The following CYTH1 variants were observed in gnomAD, a reference collection of about 807,000 sequenced individuals.
CYTH1 encodes the protein cytohesin 1.
In CYTH1, 18 loss-of-function variants were observed where a neutral mutation model predicts 61.8. The ratio of observed to expected loss-of-function variants is 0.29; its 90% CI spans 0.20 to 0.43. The LOEUF (loss-of-function observed/expected upper bound fraction) is 0.43. CYTH1 is among the 20% of genes least tolerant of loss of function. The pLI is 1.00. For synonymous variants in CYTH1, 174 were observed against 184.3 expected (o/e 0.94, Z 0.45); for missense variants, 336 against 510.5 (o/e 0.66, Z 3.29).
intron 1 of CYTH1, among the ~76,000 whole-genome samples, chr17:78,741,648 A>T (rs2093342402): frequency 6.6e-6 from 1 of 152,200 alleles, no homozygotes. Context: ...CGAGGGCATC[A>T]TACTGCTGCT....
intron 1 of CYTH1, among the ~76,000 whole-genome samples, chr17:78,734,164 C>T (rs908442134): frequency 2.0e-5 from 3 of 151,576 alleles, no homozygotes; most frequent in African/African-American, 4.9e-5. Context: ...GCAGGAGAAT[C>T]GCTTGAACCC....
intron 6 of CYTH1, among the ~76,000 whole-genome samples, chr17:78,701,030 C>T (rs34507935): frequency 0.045 from 6,886 of 152,196 alleles, 279 homozygotes; most frequent in South Asian, 0.15. Context: ...GAATAATATA[C>T]AAGACTGAAA....
Position 78,675,579 on chromosome 17 carries a change from C to A in CYTH1, c.*512G>T, listed in dbSNP as rs2143925840. On this transcript the variant is annotated 3_prime_UTR_variant, in exon 14 of 14. Transcript: ENST00000446868. ...CCAGGTGCTCTTCTCCAGGGAGAAG[C>A]TCCCCAGCGCAGCCAGGGCAGAATG... 1 of 187,354 alleles carries A rather than the reference C, an allele frequency of 5.3e-6. No homozygotes were observed. The highest frequency in any genetic ancestry group is 1.9e-4 in the South Asian group (1 of 5,348). 11.6% of individuals were successfully genotyped at this position (187,354 alleles called of 1,614,324 possible).
At chr17:78,759,818 T>G (rs1296762818) in intron 1 of CYTH1, among the ~76,000 whole-genome samples, 1 of 152,154 alleles carries the variant, frequency 6.6e-6, no homozygotes, top group African/African-American at 2.4e-5. Flanking sequence ...AAGGGAAGCA[T>G]CTCTGGCCAG....
chr17:78,711,336 C>CAT (rs2093130454), intron 1 of CYTH1, among the ~76,000 whole-genome samples: 2 of 150,804 alleles, frequency 1.3e-5, no homozygotes, highest in South Asian at 2.1e-4. Context: ...CACACACACA[C>CAT]ACCAGACTTT....
intron 1 of CYTH1, among the ~76,000 whole-genome samples, chr17:78,735,803 C>T (rs74001220): frequency 3.9e-5 from 6 of 152,322 alleles, no homozygotes; most frequent in Non-Finnish European, 7.3e-5. Flanking sequence ...CAACCCAGTA[C>T]GCATTTTACT....
At chr17:78,780,413 A>G (rs1357251500) in intron 1 of CYTH1, among the ~76,000 whole-genome samples, 2 of 152,122 alleles carry the variant, frequency 1.3e-5, no homozygotes, top group Non-Finnish European at 1.5e-5. Flanking sequence ...AGGGGCTGAG[A>G]AGAGAGGTGA....
At chr17:78,752,753 T>C (rs962931284) in intron 1 of CYTH1, among the ~76,000 whole-genome samples, 1 of 152,204 alleles carries the variant, frequency 6.6e-6, no homozygotes, top group Non-Finnish European at 1.5e-5. Flanking sequence ...CAACAACGTA[T>C]TTCAGTTTAT....
intron 5 of CYTH1, 89 bp from the exon 6 acceptor site, chr17:78,701,840 C>CGTCCTGTG (rs71365529): frequency 0.013 from 17,167 of 1,317,776 alleles, 261 homozygotes; most frequent in Non-Finnish European, 0.014. Flanking sequence ...TCCTACACTG[C>CGTCCTGTG]GTCCTGTGGT....
chr17:78,727,649 T>A (rs1258738652), intron 1 of CYTH1: 1 of 470,950 alleles, frequency 2.1e-6, no homozygotes, highest in Admixed American at 2.3e-5. Context: ...GCCCCCTGCC[T>A]CCACCTACCA....
At position 78,680,144 on chromosome 17, in the gene CYTH1, G is replaced by A. The variant is rs762839575; in HGVS notation, c.1118+46C>T. ...TAAGATGATCAACACCTGGTGAGGTGAGGGCTGCACCAGGCGCGCACTGCC... is the reference window on the plus strand; with the variant it reads ...TAAGATGATCAACACCTGGTGAGGTAAGGGCTGCACCAGGCGCGCACTGCC... On this transcript the variant is annotated intron_variant, in intron 13 of 13. Transcript: ENST00000446868. 3.1e-6 allele frequency: 5 copies of A among 1,606,546 alleles called. No individual in the cohort carries two copies. The Admixed American group carries it at 5.0e-5, about 16-fold the overall frequency.
chr17:78,711,029 G>A (rs1394283770), intron 1 of CYTH1, among the ~76,000 whole-genome samples: 12 of 151,954 alleles, frequency 7.9e-5, no homozygotes, highest in African/African-American at 2.4e-4. Context: ...TTGAGAGGCC[G>A]GGGCGGGCAG....
chr17:78,729,987 T>C (rs536415603), intron 1 of CYTH1, among the ~76,000 whole-genome samples: 4 of 152,200 alleles, frequency 2.6e-5, no homozygotes, highest in African/African-American at 2.4e-5. Flanking sequence ...GAAGTTTTTA[T>C]TCAAAGAAAA....
At chr17:78,706,408 CCA>C (rs146221003) in intron 3 of CYTH1, among the ~76,000 whole-genome samples, 2,405 of 152,172 alleles carry the variant, frequency 0.016, 68 homozygotes, top group African/African-American at 0.056. Context: ...CACACGGTGC[CCA>C]CAGTTTCTTT....
intron 13 of CYTH1, among the ~76,000 whole-genome samples, chr17:78,679,713 C>G (rs1409058401): frequency 6.6e-6 from 1 of 152,236 alleles, no homozygotes. Context: ...AAGCTTCTCC[C>G]TCCTCCCGGA....
intron 1 of CYTH1, among the ~76,000 whole-genome samples, chr17:78,750,343 G>A (rs1439753790): frequency 6.6e-6 from 1 of 152,132 alleles, no homozygotes; most frequent in Non-Finnish European, 1.5e-5. Flanking sequence ...TGAATAAAGA[G>A]GGACACAGCA....
At chr17:78,715,782 A>G (rs1394325246) in intron 1 of CYTH1, among the ~76,000 whole-genome samples, 2 of 152,182 alleles carry the variant, frequency 1.3e-5, no homozygotes, top group Non-Finnish European at 2.9e-5. Flanking sequence ...AGTGGTATCT[A>G]CATTCCTGTC....
chr17:78,711,443 G>A (rs1008514064), intron 1 of CYTH1, among the ~76,000 whole-genome samples: 3 of 151,690 alleles, frequency 2.0e-5, no homozygotes, highest in Non-Finnish European at 4.4e-5. Flanking sequence ...TGATCTCAAA[G>A]GAACTAGTAT....
At chr17:78,707,489 T>G (rs183493570) in intron 3 of CYTH1, among the ~76,000 whole-genome samples, 4 of 152,336 alleles carry the variant, frequency 2.6e-5, no homozygotes. Context: ...AGCTCACGAT[T>G]ATCCTCAGAC....
Sources: allele counts gnomAD v4.1 joint callset (sites outside exome capture counted in the v4.1 genomes callset), GRCh38; gene constraint gnomAD v4.1.1; transcripts MANE v1.5; gene names NCBI Gene and HGNC (gene_info 2026-07-23, HGNC 2026-07-21).